Variants in PRKG1 observed in about 807,000 individuals in gnomAD.
The protein encoded by PRKG1 is cGMP-dependent protein kinase 1.
In PRKG1, 35 loss-of-function variants were observed where a neutral mutation model predicts 88.1. That is an observed-to-expected ratio of 0.40 (90% confidence interval 0.30 to 0.53). The LOEUF (loss-of-function observed/expected upper bound fraction) is 0.53, where lower values mean the gene tolerates loss of function less well. Ranked by LOEUF, PRKG1 falls within the 20% of genes least tolerant of loss-of-function variation. The pLI, the probability that PRKG1 is intolerant of heterozygous loss-of-function variation, is 0.59. For missense variants in PRKG1, 540 were observed against 839.8 expected (o/e 0.64, Z 4.41); for synonymous variants, 303 against 292.5 (o/e 1.04, Z -0.37).
At chr10:51,528,538 T>C (rs1410296088) in intron 3 of PRKG1, among the ~76,000 whole-genome samples, 1 of 151,046 alleles carries the variant, frequency 6.6e-6, no homozygotes, top group Non-Finnish European at 1.5e-5. Context: ...TCCTGTTTCC[T>C]GTCATAGTTT....
chr10:51,580,854 T>C (rs1838013552), intron 3 of PRKG1, among the ~76,000 whole-genome samples: 1 of 152,148 alleles, frequency 6.6e-6, no homozygotes, highest in Non-Finnish European at 1.5e-5. Context: ...CATCACCTAC[T>C]TGACACCAAG....
chr10:51,908,742 T>G (rs1413951173), intron 5 of PRKG1: 1 of 147,530 alleles, frequency 6.8e-6, no homozygotes, highest in Non-Finnish European at 1.5e-5. Context: ...TAATTTTTTT[T>G]TTTTTGAGAC....
At chr10:51,701,491 A>G (rs190747350) in intron 3 of PRKG1, among the ~76,000 whole-genome samples, 96 of 152,310 alleles carry the variant, frequency 6.3e-4, no homozygotes, top group Non-Finnish European at 1.1e-3. Flanking sequence ...TCACCTAATA[A>G]GATTTTCCTG....
intron 9 of PRKG1, among the ~76,000 whole-genome samples, chr10:52,249,402 A>G (rs1297615753): frequency 2.0e-5 from 3 of 151,924 alleles, no homozygotes; most frequent in Non-Finnish European, 4.4e-5. Context: ...GCTTTTTAAA[A>G]GTAGGGATGT....
chr10:51,059,635 ATTGAG>A (rs1239635982), intron 1 of PRKG1, among the ~76,000 whole-genome samples: 4 of 152,172 alleles, frequency 2.6e-5, no homozygotes, highest in Admixed American at 2.0e-4. Context: ...TTTCATAATT[ATTGAG>A]TTAATTTTTG....
At chr10:51,150,794 A>G (rs1846052170) in intron 1 of PRKG1, among the ~76,000 whole-genome samples, 1 of 152,090 alleles carries the variant, frequency 6.6e-6, no homozygotes, top group African/African-American at 2.4e-5. Context: ...ATTCAGTGAT[A>G]AACAGTTGGA....
intron 9 of PRKG1, among the ~76,000 whole-genome samples, chr10:52,251,180 G>T (rs1841160399): frequency 6.6e-6 from 1 of 152,006 alleles, no homozygotes; most frequent in Non-Finnish European, 1.5e-5. Flanking sequence ...TCCGAAATCT[G>T]AACGGCAAAA....
At chr10:51,821,200 T>G (rs772096755) in intron 4 of PRKG1, among the ~76,000 whole-genome samples, 3 of 152,216 alleles carry the variant, frequency 2.0e-5, no homozygotes, top group Non-Finnish European at 4.4e-5. Context: ...TCTTGCTTTG[T>G]AACATTCTCT....
intron 5 of PRKG1, among the ~76,000 whole-genome samples, chr10:51,965,560 TATAACAACA>T: frequency 6.6e-6 from 1 of 152,324 alleles, no homozygotes; most frequent in East Asian, 1.9e-4. Flanking sequence ...TGTTTCAGAA[TATAACAACA>T]TTAAGAAGGA....
At chr10:51,939,742 G>A (rs745601482) in intron 5 of PRKG1, among the ~76,000 whole-genome samples, 2 of 150,644 alleles carry the variant, frequency 1.3e-5, no homozygotes, top group Non-Finnish European at 2.9e-5. Flanking sequence ...TAACTTACCA[G>A]TGGGAATAAT....
chr10:51,012,132 A>T (rs1373449847), intron 1 of PRKG1, among the ~76,000 whole-genome samples: 1 of 152,224 alleles, frequency 6.6e-6, no homozygotes, highest in Admixed American at 6.5e-5. Flanking sequence ...TGGGGTAGGA[A>T]CTAGCCAAAC....
rs571477979 is a variant in PRKG1 at position 51,802,006 on chromosome 10, T to G, written c.593-2579T>G. On this transcript the variant is annotated intron_variant, in intron 3 of 17. Coordinates refer to ENST00000373980, the MANE Select transcript of PRKG1 (RefSeq NM_006258.4). ...ATCATGAAAATCACAGGAATTTTAT[T>G]TGTGAAATGCTTATTCCCTATGGAG... Among the ~76,000 whole-genome samples, 4 of 152,334 alleles carry G rather than the reference T, an allele frequency of 2.6e-5. No individual in the cohort carries two copies. The East Asian group carries it at 7.7e-4, about 29-fold the overall frequency.
At chr10:52,043,948 A>G (rs1251491126) in intron 5 of PRKG1, among the ~76,000 whole-genome samples, 3 of 149,744 alleles carry the variant, frequency 2.0e-5, no homozygotes, top group Middle Eastern at 7.0e-3. Context: ...CATTTGTGGA[A>G]TTTCAGCCCA....
intron 4 of PRKG1, among the ~76,000 whole-genome samples, chr10:51,873,910 T>A (rs1028964835): frequency 3.4e-5 from 5 of 149,068 alleles, no homozygotes; most frequent in Admixed American, 2.7e-4. Flanking sequence ...TACTCTCATT[T>A]ATTTGCATTT....
Position 51,701,444 on chromosome 10 carries a change from G to A in PRKG1, c.593-103141G>A, listed in dbSNP as rs568605511. Among the ~76,000 whole-genome samples the A allele has an allele frequency of 1.0e-3, 157 of 152,204 alleles. 5 individuals carry two copies. Among genetic ancestry groups the A allele is most frequent in the Admixed American group, 7.7e-3 (118 of 15,286 alleles). ...ACTTAGCTGTTCACCCAAGATGCGC[G>A]ACAGTTTATATTTGCAAGTGACAAG... On this transcript the variant is annotated intron_variant, in intron 3 of 17. Transcript: ENST00000373980.
intron 2 of PRKG1, among the ~76,000 whole-genome samples, chr10:51,241,061 A>G (rs1839138870): frequency 1.3e-5 from 2 of 152,146 alleles, no homozygotes; most frequent in African/African-American, 4.8e-5. Context: ...AACCCTCACA[A>G]CAACCTCAAC....
chr10:51,702,295 C>T (rs905966990), intron 3 of PRKG1, among the ~76,000 whole-genome samples: 1 of 152,134 alleles, frequency 6.6e-6, no homozygotes, highest in Non-Finnish European at 1.5e-5. Context: ...TGTCATGCCC[C>T]CGTTCATACA....
intron 1 of PRKG1, among the ~76,000 whole-genome samples, chr10:51,084,085 A>T (rs886457389): frequency 2.6e-5 from 4 of 152,192 alleles, no homozygotes; most frequent in African/African-American, 9.7e-5. Flanking sequence ...CAGCTGACAG[A>T]TAGTATGTTA....
chr10:51,398,383 G>GATGATGCTC (rs1197001367), intron 2 of PRKG1, among the ~76,000 whole-genome samples: 1 of 151,962 alleles, frequency 6.6e-6, no homozygotes, highest in Non-Finnish European at 1.5e-5. Context: ...GAGCTCAGGC[G>GATGATGCTC]ATGATGCTCA....
Sources: gnomAD v4.1 joint callset for allele counts (sites outside exome capture counted in the v4.1 genomes callset) on GRCh38, gnomAD v4.1.1 for gene constraint, MANE v1.5 for transcripts, NCBI Gene and HGNC (gene_info 2026-07-23, HGNC 2026-07-21) for gene names.